Variants in SLC44A1 observed in about 807,000 individuals in gnomAD.
SLC44A1 encodes the protein solute carrier family 44 member 1, also known as choline transporter-like protein 1.
A neutral mutation model predicts 79.3 loss-of-function variants in SLC44A1; 26 were observed. The observed-to-expected ratio is 0.33, with a 90% CI of 0.24 to 0.46. The LOEUF (loss-of-function observed/expected upper bound fraction) is 0.46, where lower values mean the gene tolerates loss of function less well. Among genes scored for constraint, SLC44A1 ranks in the 20% least tolerant of loss-of-function variants. SLC44A1 has a pLI of 1.00. For missense variants in SLC44A1, 688 were observed against 798.1 expected, an observed-to-expected ratio of 0.86 and a Z score of 1.66; for synonymous variants, 263 against 286.2, an observed-to-expected ratio of 0.92 and a Z score of 0.82.
chr9:105,405,896 G>A (rs951753089), intron 15 of SLC44A1, among the ~76,000 whole-genome samples: 3 of 152,122 alleles, frequency 2.0e-5, no homozygotes, highest in Non-Finnish European at 2.9e-5. Flanking sequence ...GGACATACAC[G>A]GAGGAATAAC....
At chr9:105,438,399 T>A in exon 16 of SLC44A1, 1 of 909,928 alleles carries the variant, frequency 1.1e-6, no homozygotes, top group Non-Finnish European at 1.7e-6. Context: ...AGCAGGATCT[T>A]ATTACTTCAA....
chr9:105,306,623 C>T (rs1187255930), intron 2 of SLC44A1, among the ~76,000 whole-genome samples: 4 of 144,758 alleles, frequency 2.8e-5, no homozygotes, highest in Admixed American at 7.3e-5. Flanking sequence ...TTTAAGTGGC[C>T]TATGTGAAAA....
intron 6 of SLC44A1, 56 bp downstream of exon 6, chr9:105,356,437 T>A (rs1413757902): frequency 7.9e-7 from 1 of 1,268,328 alleles, no homozygotes; most frequent in African/African-American, 1.5e-5. Context: ...AAGACTGTTT[T>A]GTCTTTTAGC....
Position 105,394,575 on chromosome 9 carries a change from CA to C in SLC44A1, c.*5520del. The C allele has an allele frequency of 1.0e-6, 1 of 984,894 alleles. No individual in the cohort carries two copies. Among genetic ancestry groups the C allele is most frequent in the Non-Finnish European group, 1.2e-6 (1 of 829,804 alleles). The allele number at this position is 984,894 out of a possible 1,614,324, so 61.0% of individuals were successfully genotyped here. A position where few individuals can be genotyped will look rare whatever the true frequency, so the allele number is the denominator to read the frequency against. On this transcript the variant is annotated 3_prime_UTR_variant, in exon 16 of 16. Coordinates refer to ENST00000374720, the MANE Select transcript of SLC44A1 (RefSeq NM_080546.5). ...CTTGTAATTAATCCATCTACCAAAA[CA>C]CTTGATTCTTTTTATTGTAGCTCAG...
intron 9 of SLC44A1, among the ~76,000 whole-genome samples, chr9:105,364,226 G>A (rs1236449588): frequency 6.6e-6 from 1 of 152,118 alleles, no homozygotes; most frequent in Non-Finnish European, 1.5e-5. Flanking sequence ...TAAGAAATCT[G>A]TAATGATTGG....
In SLC44A1 at chr9:105,261,542, A is replaced by G. The variant is rs572767665; in HGVS notation, c.36+16638A>G. 5.3e-5 allele frequency among the ~76,000 whole-genome samples: 8 copies of G among 152,330 alleles called. No homozygotes were observed. In the East Asian group the frequency reaches 1.5e-3, roughly 29 times the overall value. ...GGACAAAGGGAAGATGCTGAAAAGT[A>G]AAATAAAAGAACCGAGAATATCGGT... is the stretch of plus-strand genomic sequence containing the variant. On this transcript the variant is annotated intron_variant, in intron 1 of 15. Transcript: ENST00000374720.
Position 105,244,828 on chromosome 9 carries a change from C to T in SLC44A1, c.-41C>T, listed in dbSNP as rs540337099. On this transcript the variant is annotated 5_prime_UTR_variant, in exon 1 of 16. Coordinates refer to ENST00000374720, the MANE Select transcript of SLC44A1 (RefSeq NM_080546.5). The stretch of plus-strand genomic sequence containing the variant: ...CATGCCGAGGGGCTCCGGGGCGTAG[C>T]TGCGCGCCCGGCGCCGCCTCCGGGC... 8.4e-4 allele frequency: 919 copies of T among 1,098,094 alleles called. 8 individuals carry two copies. In the African/African-American group the frequency reaches 0.014, roughly 17 times the overall value. 68.0% of individuals were successfully genotyped at this position (1,098,094 alleles called of 1,614,324 possible). A position where few individuals can be genotyped will look rare whatever the true frequency, so the allele number is the denominator to read the frequency against.
intron 9 of SLC44A1, among the ~76,000 whole-genome samples, chr9:105,364,135 T>C (rs1827870007): frequency 6.6e-6 from 1 of 152,174 alleles, no homozygotes; most frequent in Non-Finnish European, 1.5e-5. Flanking sequence ...GATAGTAAAC[T>C]TTTATGTAAC....
intron 1 of SLC44A1, among the ~76,000 whole-genome samples, chr9:105,277,071 G>A (rs761971932): frequency 5.3e-5 from 8 of 152,206 alleles, no homozygotes; most frequent in Non-Finnish European, 1.2e-4. Context: ...CTGATAGGAC[G>A]TGGTCAGATT....
intron 2 of SLC44A1, among the ~76,000 whole-genome samples, chr9:105,303,944 G>T (rs1381933847): frequency 1.3e-5 from 2 of 152,150 alleles, no homozygotes; most frequent in East Asian, 3.8e-4. Flanking sequence ...TTCATATCTT[G>T]TGTGTGCCAT....
chr9:105,282,853 A>AT (rs562504754), intron 1 of SLC44A1, among the ~76,000 whole-genome samples: 3 of 152,074 alleles, frequency 2.0e-5, no homozygotes, highest in South Asian at 4.2e-4. Context: ...GCACGTCTTG[A>AT]TTTTTTAATA....
chr9:105,413,990 TAA>T (rs111839703), intron 15 of SLC44A1, among the ~76,000 whole-genome samples: 2 of 145,186 alleles, frequency 1.4e-5, no homozygotes, highest in Admixed American at 6.9e-5. Flanking sequence ...GTCAGAAAGT[TAA>T]AAAAAAAAAT....
In SLC44A1 at chr9:105,351,651, A is replaced by AAAGAAAGAAAGT. The variant is rs1260258833; in HGVS notation, c.500+3211_500+3212insTAAGAAAGAAAG. On this transcript the variant is annotated intron_variant, in intron 5 of 15. Coordinates refer to ENST00000374720, the MANE Select transcript of SLC44A1 (RefSeq NM_080546.5). ...GAGAAAGAGAAAGAAAGAAAGAAAG[A>AAAGAAAGAAAGT]AAGAAAGAAAGAAAGAAAGAAAGAA... 5.3e-5 allele frequency among the ~76,000 whole-genome samples: 8 copies of AAAGAAAGAAAGT among 149,806 alleles called. 1 individual carries two copies. The highest frequency in any genetic ancestry group is 1.7e-4 in the African/African-American group (7 of 40,212).
intron 3 of SLC44A1, among the ~76,000 whole-genome samples, chr9:105,332,928 G>A (rs887118011): frequency 3.3e-5 from 5 of 151,976 alleles, no homozygotes; most frequent in South Asian, 2.1e-4. Context: ...CTATAAAATC[G>A]GTGATATGTA....
chr9:105,376,257 T>G (rs1339338016), intron 13 of SLC44A1, among the ~76,000 whole-genome samples: 1 of 151,604 alleles, frequency 6.6e-6, no homozygotes, highest in Non-Finnish European at 1.5e-5. Flanking sequence ...TATTTATAAT[T>G]TATCCCTACA....
intron 4 of SLC44A1, among the ~76,000 whole-genome samples, chr9:105,342,690 A>G (rs577046389): frequency 6.6e-6 from 1 of 152,316 alleles, no homozygotes; most frequent in African/African-American, 2.4e-5. Flanking sequence ...CAGCATGGGC[A>G]TCTGAATTGG....
At chr9:105,376,767 T>G (rs1828304536) in intron 13 of SLC44A1, among the ~76,000 whole-genome samples, 1 of 152,222 alleles carries the variant, frequency 6.6e-6, no homozygotes, top group South Asian at 2.1e-4. Flanking sequence ...TAAACTCTGA[T>G]TAAGATACTT....
intron 3 of SLC44A1, among the ~76,000 whole-genome samples, chr9:105,310,830 C>T (rs999216640): frequency 3.3e-5 from 5 of 152,140 alleles, no homozygotes; most frequent in Non-Finnish European, 5.9e-5. Flanking sequence ...AGCGTTATTA[C>T]TCCCATTAAT....
At chr9:105,379,276 G>C (rs957048940) in intron 13 of SLC44A1, among the ~76,000 whole-genome samples, 2 of 151,946 alleles carry the variant, frequency 1.3e-5, no homozygotes, top group Non-Finnish European at 2.9e-5. Flanking sequence ...CTCTCAAAAA[G>C]AAAAAAAGTA....
Sources: gnomAD v4.1 joint callset for allele counts (sites outside exome capture counted in the v4.1 genomes callset) on GRCh38, gnomAD v4.1.1 for gene constraint, MANE v1.5 for transcripts, NCBI Gene and HGNC (gene_info 2026-07-23, HGNC 2026-07-21) for gene names.